SNAP47: variants seen among roughly 807,000 people sequenced by gnomAD.
The protein encoded by SNAP47 is synaptosomal-associated protein 47.
Under a neutral mutation model 31.4 loss-of-function variants are expected in SNAP47, and 20 were observed. The ratio of observed to expected loss-of-function variants is 0.64; its 90% CI spans 0.45 to 0.93. The LOEUF (loss-of-function observed/expected upper bound fraction) is 0.93, where lower values mean the gene tolerates loss of function less well. Among genes scored for constraint, SNAP47 ranks in the 40% least tolerant of loss-of-function variants. The pLI, the probability that SNAP47 is intolerant of heterozygous loss-of-function variation, is 0.00. For missense variants in SNAP47, 492 were observed against 528.5 expected (o/e 0.93, Z 0.68); for synonymous variants, 194 against 213.4 (o/e 0.91, Z 0.79).
At chr1:227,760,148 G>A (rs1416848302) in intron 3 of SNAP47, among the ~76,000 whole-genome samples, 1 of 152,164 alleles carries the variant, frequency 6.6e-6, no homozygotes, top group Non-Finnish European at 1.5e-5. Context: ...AACCTGCTAC[G>A]ACACAGAAAG....
intron 4 of SNAP47, chr1:227,775,647 A>C: frequency 3.9e-6 from 3 of 772,096 alleles, no homozygotes; most frequent in Non-Finnish European, 5.5e-6. Context: ...GCCTTGCCCT[A>C]ATGGTGCGCG....
rs979531586 is a variant in SNAP47, at chr1:227,763,347, C to A, written c.989-3612C>A. Reference sequence around the variant, plus strand: ...GTAAGGCCTGCCTGGGCTTCCAGCTCCCTGATGACAGCCTTGCCTGTACCT... The same window carrying A: ...GTAAGGCCTGCCTGGGCTTCCAGCTACCTGATGACAGCCTTGCCTGTACCT... On this transcript the variant is annotated intron_variant, in intron 3 of 4. Transcript: ENST00000617596. The surrounding 1 kb of genome is among the most constrained non-coding windows in gnomAD (Gnocchi z 4.2). Among the ~76,000 whole-genome samples, 10 of 152,206 alleles carry A rather than the reference C, an allele frequency of 6.6e-5. No individual in the cohort carries two copies. The highest frequency in any genetic ancestry group is 3.9e-4 in the Admixed American group (6 of 15,274).
chr1:227,779,231 A>G (rs1436242308), intron 4 of SNAP47, among the ~76,000 whole-genome samples: 1 of 152,104 alleles, frequency 6.6e-6, no homozygotes, highest in Admixed American at 6.5e-5. Flanking sequence ...ACTGTTTCTC[A>G]TGGGTCAGAT....
chr1:227,779,511 G>A (rs927764442), intron 4 of SNAP47, among the ~76,000 whole-genome samples: 18 of 152,222 alleles, frequency 1.2e-4, no homozygotes, highest in African/African-American at 3.4e-4. Context: ...GGTCACTGCT[G>A]TCCAACTGGT....
At chr1:227,730,152 G>A (rs185971307), upstream of SNAP47, among the ~76,000 whole-genome samples, 1 of 152,194 alleles carries the variant, frequency 6.6e-6, no homozygotes, top group Non-Finnish European at 1.5e-5. Context: ...GACACGCAAA[G>A]GGCAGGGGCT....
chr1:227,760,414 G>A (rs764163289), intron 3 of SNAP47, among the ~76,000 whole-genome samples: 36 of 152,192 alleles, frequency 2.4e-4, no homozygotes, highest in Non-Finnish European at 8.8e-5. Context: ...GCGTGGTTCT[G>A]TGTGTTTGTG....
chr1:227,778,786 G>A (rs984258625), intron 4 of SNAP47, among the ~76,000 whole-genome samples: 1 of 152,198 alleles, frequency 6.6e-6, no homozygotes, highest in African/African-American at 2.4e-5. Flanking sequence ...CCGTCCTCCT[G>A]GAGCCACTGA....
chr1:227,734,954 C>A, upstream of SNAP47: 1 of 1,500,330 alleles, frequency 6.7e-7, no homozygotes, highest in East Asian at 2.4e-5. Flanking sequence ...GGGGGCCTCC[C>A]GGGCCTGGGT....
Position 227,735,504 on chromosome 1 carries a change from G to C in SNAP47, c.-46+5G>C. ...GACTCGTCTGGCGTCCCTCAGGTGA[G>C]CGACGGTGTTGGTCTGTTGGGCGCC... On this transcript the variant is annotated splice_donor_5th_base_variant and intron_variant, in intron 1 of 4. Coordinates refer to ENST00000617596, the MANE Select transcript of SNAP47 (RefSeq NM_053052.4). 11 of 1,402,816 alleles carry C rather than the reference G, an allele frequency of 7.8e-6. No individual in the cohort carries two copies. The highest frequency in any genetic ancestry group is 1.0e-5 in the Non-Finnish European group (11 of 1,087,450). The allele number at this position is 1,402,816 out of a possible 1,614,324, so 86.9% of individuals were successfully genotyped here.
intron 4 of SNAP47, chr1:227,777,077 A>G: frequency 1.0e-6 from 1 of 978,108 alleles, no homozygotes; most frequent in Non-Finnish European, 1.2e-6. Flanking sequence ...TTTCTTATGC[A>G]CTAGAAAAAG....
intron 1 of SNAP47, among the ~76,000 whole-genome samples, chr1:227,740,474 A>C (rs1467576502): frequency 6.6e-6 from 1 of 152,030 alleles, no homozygotes; most frequent in African/African-American, 2.4e-5. Flanking sequence ...GGGAGGGAGG[A>C]CTGCCTTGGA....
At chr1:227,729,717 G>T (rs1017001181) in intron 1 of SNAP47, among the ~76,000 whole-genome samples, 1 of 152,170 alleles carries the variant, frequency 6.6e-6, no homozygotes, top group Non-Finnish European at 1.5e-5. Context: ...AGGGAGCCTG[G>T]TTTTGCCACA....
chr1:227,751,005 C>T (rs1215557761), intron 2 of SNAP47, among the ~76,000 whole-genome samples: 1 of 152,118 alleles, frequency 6.6e-6, no homozygotes, highest in Admixed American at 6.5e-5. Context: ...GGAAATGAGC[C>T]GGGCACCAAG....
At chr1:227,777,339 G>C (rs758001130) in intron 4 of SNAP47, 7 of 162,484 alleles carry the variant, frequency 4.3e-5, no homozygotes, top group Non-Finnish European at 6.5e-5. Flanking sequence ...GGGCTGCCTG[G>C]GTCTGTTGGA....
At chr1:227,729,726 C>T (rs962805646) in intron 1 of SNAP47, among the ~76,000 whole-genome samples, 11 of 152,220 alleles carry the variant, frequency 7.2e-5, no homozygotes, top group Non-Finnish European at 1.6e-4. Context: ...GGTTTTGCCA[C>T]AGCCAGCAAC....
intron 3 of SNAP47, chr1:227,759,700 C>T: frequency 1.6e-6 from 1 of 620,176 alleles, no homozygotes; most frequent in Non-Finnish European, 2.8e-6. Flanking sequence ...TGAGAGTTAA[C>T]TGTACACTTG....
intron 2 of SNAP47, among the ~76,000 whole-genome samples, 178 bp downstream of exon 2, chr1:227,748,411 G>A (rs149075274): frequency 1.3e-5 from 2 of 152,316 alleles, no homozygotes; most frequent in Non-Finnish European, 2.9e-5. Context: ...TCCAGCACTC[G>A]GAAAGCGAGG....
At chr1:227,740,088 C>T (rs747943422) in intron 1 of SNAP47, among the ~76,000 whole-genome samples, 18 of 152,342 alleles carry the variant, frequency 1.2e-4, no homozygotes, top group Admixed American at 3.9e-4. Context: ...TTCTGTAGTG[C>T]GACAGTCATG....
chr1:227,734,196 G>A (rs1660892330), upstream of SNAP47: 2 of 729,892 alleles, frequency 2.7e-6, no homozygotes, highest in Non-Finnish European at 4.4e-6. Flanking sequence ...CTGCTGGCGG[G>A]GGAGGGGGCG....
Sources: gnomAD v4.1 joint callset for allele counts (sites outside exome capture counted in the v4.1 genomes callset) on GRCh38, gnomAD v4.1.1 for gene constraint, Gnocchi (gnomAD v3.1) non-coding constraint, MANE v1.5 for transcripts, NCBI Gene and HGNC (gene_info 2026-07-23, HGNC 2026-07-21) for gene names.